The following NRXN3 variants were observed in gnomAD, a reference collection of about 807,000 sequenced individuals.
NRXN3 encodes the protein neurexin III.
A neutral mutation model predicts 137.6 loss-of-function variants in NRXN3; 32 were observed. That is an observed-to-expected ratio of 0.23 (90% CI 0.18 to 0.31). The LOEUF is 0.31. Ranked by LOEUF, NRXN3 falls within the 10% of genes least tolerant of loss-of-function variation. NRXN3 has a pLI of 1.00. For synonymous variants in NRXN3, 798 were observed against 784.5 expected, an observed-to-expected ratio of 1.02 and a Z score of -0.29; for missense variants, 1,574 against 2,062.5, an observed-to-expected ratio of 0.76 and a Z score of 4.59.
In NRXN3 at chr14:79,829,865, G is replaced by C. The variant is rs533749902; in HGVS notation, c.4093+24675G>C. On this transcript the variant is annotated intron_variant, in intron 20 of 20. Transcript: ENST00000335750. ...CTGCCTATCCAAAGCACTGCTTACT[G>C]TATTTCATTACAATGTATTGCTTCA... Among the ~76,000 whole-genome samples, 9 of 152,142 alleles carry C rather than the reference G, an allele frequency of 5.9e-5. No individual in the cohort carries two copies. The East Asian group carries it at 1.5e-3, about 26-fold the overall frequency.
intron 15 of NRXN3, among the ~76,000 whole-genome samples, chr14:79,324,699 CA>C (rs2090585886): frequency 6.6e-6 from 1 of 152,142 alleles, no homozygotes; most frequent in African/African-American, 2.4e-5. Context: ...GTCAGAAAAC[CA>C]TTGGGTCATC....
At chr14:79,494,079 A>T (rs1022428800) in intron 16 of NRXN3, among the ~76,000 whole-genome samples, 1 of 152,320 alleles carries the variant, frequency 6.6e-6, no homozygotes, top group African/African-American at 2.4e-5. Flanking sequence ...AAATCTTAAC[A>T]AGTATGCATT....
intron 10 of NRXN3, among the ~76,000 whole-genome samples, chr14:78,824,601 G>C (rs1262584942): frequency 6.6e-6 from 1 of 152,160 alleles, no homozygotes; most frequent in African/African-American, 2.4e-5. Context: ...AATCTCAGCA[G>C]ATCAGATGAA....
chr14:78,922,508 C>G (rs2099273544), intron 10 of NRXN3, among the ~76,000 whole-genome samples: 1 of 152,084 alleles, frequency 6.6e-6, no homozygotes, highest in Non-Finnish European at 1.5e-5. Flanking sequence ...GGGCCTTCGT[C>G]CAATTTAGAT....
At chr14:78,726,965 A>AAAAAAC (rs1555459144) in intron 8 of NRXN3, among the ~76,000 whole-genome samples, 2 of 151,602 alleles carry the variant, frequency 1.3e-5, no homozygotes, top group Non-Finnish European at 2.9e-5. Flanking sequence ...TCACTAAAAA[A>AAAAAAC]AAAAAAAAAA....
intron 10 of NRXN3, among the ~76,000 whole-genome samples, chr14:78,898,051 A>T (rs555382720): frequency 6.6e-6 from 1 of 151,930 alleles, no homozygotes; most frequent in Non-Finnish European, 1.5e-5. Flanking sequence ...TGTAAAATCT[A>T]TGCCTCCCTA....
chr14:79,459,270 C>G (rs1005423716), intron 15 of NRXN3, among the ~76,000 whole-genome samples: 31 of 152,150 alleles, frequency 2.0e-4, no homozygotes, highest in Admixed American at 1.3e-4. Context: ...TCATAACCCT[C>G]AGTATCTCAG....
chr14:78,838,283 GATTA>G (rs2099002548), intron 10 of NRXN3, among the ~76,000 whole-genome samples: 1 of 152,100 alleles, frequency 6.6e-6, no homozygotes, highest in Admixed American at 6.6e-5. Flanking sequence ...TCTATGATAA[GATTA>G]ATTAAGTAGG....
intron 15 of NRXN3, among the ~76,000 whole-genome samples, chr14:79,059,111 A>G (rs1460486321): frequency 6.6e-6 from 1 of 152,118 alleles, no homozygotes; most frequent in Non-Finnish European, 1.5e-5. Flanking sequence ...CAAGTAGATG[A>G]CATTTCTCAC....
At chr14:78,356,416 T>A (rs1567349427) in intron 4 of NRXN3, among the ~76,000 whole-genome samples, 2 of 152,228 alleles carry the variant, frequency 1.3e-5, no homozygotes, top group Non-Finnish European at 2.9e-5. Flanking sequence ...TACATTACTT[T>A]CCTCAATCCT....
intron 16 of NRXN3, among the ~76,000 whole-genome samples, chr14:79,488,589 A>G (rs1483213658): frequency 2.0e-5 from 3 of 152,214 alleles, no homozygotes; most frequent in East Asian, 1.9e-4. Flanking sequence ...AGACGGCTTA[A>G]TGTCATCACC....
intron 15 of NRXN3, among the ~76,000 whole-genome samples, chr14:79,171,810 A>G (rs2061807379): frequency 1.3e-5 from 2 of 151,202 alleles, no homozygotes; most frequent in Non-Finnish European, 2.9e-5. Context: ...TATTTTGTTT[A>G]TTTTATTTGT....
At chr14:79,623,964 C>T (rs544221159) in intron 16 of NRXN3, among the ~76,000 whole-genome samples, 26 of 151,232 alleles carry the variant, frequency 1.7e-4, no homozygotes, top group African/African-American at 4.9e-4. Flanking sequence ...TTTTCCCATC[C>T]TCTTGGAAGG....
chr14:78,357,422 T>C (rs1438075497), intron 4 of NRXN3, among the ~76,000 whole-genome samples: 1 of 152,146 alleles, frequency 6.6e-6, no homozygotes, highest in African/African-American at 2.4e-5. Flanking sequence ...GTTACAATTC[T>C]AGATGAGATT....
chr14:79,441,886 CCTT>C (rs1318288275), intron 15 of NRXN3, among the ~76,000 whole-genome samples: 1 of 151,254 alleles, frequency 6.6e-6, no homozygotes, highest in Admixed American at 6.6e-5. Flanking sequence ...AAACTGTCCT[CCTT>C]CTCCGCCAAA....
intron 8 of NRXN3, among the ~76,000 whole-genome samples, chr14:78,758,190 G>A (rs1035710063): frequency 4.6e-5 from 7 of 152,130 alleles, no homozygotes; most frequent in African/African-American, 1.7e-4. Context: ...ATAATTGTGT[G>A]GCTTCGGGTC....
intron 15 of NRXN3, among the ~76,000 whole-genome samples, chr14:79,227,265 A>G (rs1310498241): frequency 1.3e-5 from 2 of 152,132 alleles, no homozygotes; most frequent in African/African-American, 2.4e-5. Context: ...CTGATGCTCA[A>G]GGGCCCTGTT....
At chr14:79,782,054 GGA>G (rs2099115484) in intron 19 of NRXN3, among the ~76,000 whole-genome samples, 1 of 152,074 alleles carries the variant, frequency 6.6e-6, no homozygotes, top group South Asian at 2.1e-4. Context: ...GACAACCTTT[GGA>G]TTCTTTCCAC....
chr14:78,322,406 G>A (rs41476948), intron 4 of NRXN3, among the ~76,000 whole-genome samples: 66,894 of 151,730 alleles, frequency 0.44, 15,541 homozygotes, highest in East Asian at 0.68. Flanking sequence ...ATGAAAATGC[G>A]CTCTGGAGTC....
Sources: allele counts gnomAD v4.1 joint callset (sites outside exome capture counted in the v4.1 genomes callset), GRCh38; gene constraint gnomAD v4.1.1; transcripts MANE v1.5; gene names NCBI Gene and HGNC (gene_info 2026-07-23, HGNC 2026-07-21).